DGKK: variants seen among roughly 807,000 people sequenced by gnomAD.
DGKK encodes diacylglycerol kinase kappa, also known as 142 kDa diacylglycerol kinase.
In DGKK, 35 loss-of-function variants were observed where a neutral mutation model predicts 92.2. That is an observed-to-expected ratio of 0.38 (90% CI 0.29 to 0.50). The LOEUF (loss-of-function observed/expected upper bound fraction) is 0.50. DGKK is among the 20% of genes least tolerant of loss of function. The pLI, the probability that DGKK is intolerant of heterozygous loss-of-function variation, is 0.92. For missense variants in DGKK, 910 were observed against 992.2 expected (o/e 0.92, Z 1.11); for synonymous variants, 368 against 360.6 (o/e 1.02, Z -0.23).
intron 17 of DGKK, among the ~76,000 whole-genome samples, chrX:50,383,093 T>C (rs1924451126): frequency 8.9e-6 from 1 of 111,933 alleles, no homozygotes; most frequent in African/African-American, 3.2e-5. Context: ...GATATGTACA[T>C]AACAAAAAAG....
chrX:50,409,489 A>G (rs1161480479), intron 4 of DGKK, among the ~76,000 whole-genome samples: 1 of 112,200 alleles, frequency 8.9e-6, no homozygotes, highest in Non-Finnish European at 1.9e-5. Context: ...AGTACAGTAT[A>G]TCATTACAGG....
intron 4 of DGKK, among the ~76,000 whole-genome samples, 187 bp from the exon 5 acceptor site, chrX:50,404,371 T>C (rs1696338915): frequency 9.0e-6 from 1 of 110,631 alleles, no homozygotes; most frequent in Non-Finnish European, 1.9e-5. Context: ...TTTGTTTGTT[T>C]TGCCAGTCGT....
chrX:50,410,545 T>G (rs1299393614), intron 4 of DGKK, among the ~76,000 whole-genome samples: 1 of 111,832 alleles, frequency 8.9e-6, no homozygotes, highest in Non-Finnish European at 1.9e-5. Context: ...ATCAACAAGA[T>G]GGTGGAATAG....
intron 1 of DGKK, among the ~76,000 whole-genome samples, chrX:50,447,289 C>T (rs1384990188): frequency 1.5e-5 from 1 of 68,055 alleles, no homozygotes; most frequent in South Asian, 9.0e-4. Context: ...ATCTAAAATT[C>T]GTTAATGTCT....
chrX:50,461,772 T>A (rs1926752164), intron 1 of DGKK, among the ~76,000 whole-genome samples: 2 of 112,348 alleles, frequency 1.8e-5, no homozygotes, highest in African/African-American at 3.2e-5. Flanking sequence ...GGAGCAGGTA[T>A]CAGTTTACGT....
At position 50,470,766 on chromosome X, in the gene DGKK, G is replaced by C. The variant is rs971618385; in HGVS notation, c.-88C>G. On this transcript the variant is annotated 5_prime_UTR_variant, in exon 1 of 28. Coordinates refer to ENST00000611977, the MANE Select transcript of DGKK (RefSeq NM_001013742.4). ...TCGGGCGCCCCGCCCACTCCAGTCC[G>C]GCAGCCCCTCGCAGGGTGCCAAACT... The C allele has an allele frequency of 1.7e-5, 17 of 1,021,083 alleles. 2 individuals are homozygous for C. In the Admixed American group the frequency reaches 3.1e-4, roughly 19 times the overall value. The allele number at this position is 1,021,083 out of a possible 1,213,427, so 84.1% of individuals were successfully genotyped here.
intron 1 of DGKK, among the ~76,000 whole-genome samples, chrX:50,465,289 G>A (rs1926869038): frequency 9.1e-6 from 1 of 109,834 alleles, no homozygotes; most frequent in Admixed American, 9.7e-5. Flanking sequence ...ATAATTTTCA[G>A]AGGAGAGATA....
At chrX:50,439,648 C>A (rs1926119746) in intron 1 of DGKK, among the ~76,000 whole-genome samples, 1 of 110,918 alleles carries the variant, frequency 9.0e-6, no homozygotes, top group Non-Finnish European at 1.9e-5. Flanking sequence ...TATAAATAGT[C>A]CAAGCCCAGA....
In DGKK at chrX:50,399,561, T is replaced by C. The variant is rs782446310; in HGVS notation, c.1411+1476A>G. On this transcript the variant is annotated intron_variant, in intron 8 of 27. Coordinates refer to ENST00000611977, the MANE Select transcript of DGKK (RefSeq NM_001013742.4). Reference sequence around the variant, plus strand: ...GACAAATTAGCAAATTAGAGAAATATAGATTAAAACATTCCAGGAAGAATT... The same window carrying C: ...GACAAATTAGCAAATTAGAGAAATACAGATTAAAACATTCCAGGAAGAATT... Among the ~76,000 whole-genome samples, 123 of 112,104 alleles carry C rather than the reference T, an allele frequency of 1.1e-3. 1 individual carries two copies. The highest frequency in any genetic ancestry group is 3.6e-3 in the African/African-American group (110 of 30,908).
chrX:50,421,283 C>T (rs782287998), intron 3 of DGKK, among the ~76,000 whole-genome samples: 1 of 111,829 alleles, frequency 8.9e-6, no homozygotes, highest in South Asian at 3.8e-4. Flanking sequence ...TGGATAGCTA[C>T]AGCATCAGTC....
At chrX:50,417,501 T>G (rs1348108350) in intron 4 of DGKK, among the ~76,000 whole-genome samples, 1 of 111,131 alleles carries the variant, frequency 9.0e-6, no homozygotes, top group Non-Finnish European at 1.9e-5. Flanking sequence ...AAGAGCTAAC[T>G]TTTTAATCTA....
At chrX:50,395,256 C>T (rs1557225977) in intron 8 of DGKK, among the ~76,000 whole-genome samples, 1 of 111,777 alleles carries the variant, frequency 8.9e-6, no homozygotes, top group East Asian at 2.8e-4. Context: ...TGGCCTAGCC[C>T]CAAGCTTACC....
chrX:50,420,115 A>T (rs1230224777), intron 4 of DGKK, among the ~76,000 whole-genome samples: 15 of 111,788 alleles, frequency 1.3e-4, no homozygotes, highest in African/African-American at 4.5e-4. Flanking sequence ...GGGCATCTAC[A>T]TTAGCTGCTC....
rs375280931 is a variant in DGKK, at chrX:50,371,863, T to C, written c.3502-29A>G. 150 of 988,769 alleles carry C rather than the reference T, an allele frequency of 1.5e-4. No individual in the cohort carries two copies. The Middle Eastern group carries it at 4.1e-3, about 27-fold the overall frequency. 81.5% of individuals were successfully genotyped at this position (988,769 alleles called of 1,213,427 possible). A position where few individuals can be genotyped will look rare whatever the true frequency, so the allele number is the denominator to read the frequency against. ...GTACAGACAGGAAAAAGAGTAAGTG[T>C]CCAATGCCTAGCACTTTTGTAGACT... On this transcript the variant is annotated intron_variant, in intron 25 of 27. Coordinates refer to ENST00000611977, the MANE Select transcript of DGKK (RefSeq NM_001013742.4).
chrX:50,448,533 CAT>C (rs1174728190), intron 1 of DGKK, among the ~76,000 whole-genome samples: 1 of 111,187 alleles, frequency 9.0e-6, no homozygotes, highest in Non-Finnish European at 1.9e-5. Flanking sequence ...GGGGCAAATC[CAT>C]ATGAGTGTGC....
chrX:50,393,902 C>T (rs1924767105), intron 8 of DGKK, among the ~76,000 whole-genome samples: 1 of 112,471 alleles, frequency 8.9e-6, no homozygotes, highest in East Asian at 2.8e-4. Context: ...AATCACTTCT[C>T]TAAGGCTGTT....
chrX:50,439,181 C>T (rs941120876), intron 1 of DGKK, among the ~76,000 whole-genome samples: 2 of 111,468 alleles, frequency 1.8e-5, no homozygotes, highest in African/African-American at 3.3e-5. Flanking sequence ...CAATTGGCTC[C>T]TAAAGGCCAG....
chrX:50,403,367 A>G (rs1925060270), intron 6 of DGKK, 124 bp downstream of exon 6: 21 of 855,038 alleles, frequency 2.5e-5, no homozygotes, highest in Non-Finnish European at 3.4e-5. Context: ...CTTCCAGATA[A>G]GTTGGATTGT....
intron 16 of DGKK, 91 bp from the exon 17 acceptor site, chrX:50,384,355 C>A (rs1262826976): frequency 1.7e-6 from 1 of 574,361 alleles, no homozygotes; most frequent in East Asian, 4.0e-5. Flanking sequence ...TCTGTGGAGG[C>A]AGGGTCAAGC....
Sources: gnomAD v4.1 joint callset for allele counts (sites outside exome capture counted in the v4.1 genomes callset) on GRCh38, gnomAD v4.1.1 for gene constraint, MANE v1.5 for transcripts, NCBI Gene and HGNC (gene_info 2026-07-23, HGNC 2026-07-21) for gene names.